The following TENM3 variants were observed in gnomAD, a reference collection of about 807,000 sequenced individuals.
TENM3 encodes the protein teneurin-3.
A neutral mutation model predicts 255.1 loss-of-function variants in TENM3; 63 were observed. The ratio of observed to expected loss-of-function variants is 0.25; its 90% CI spans 0.20 to 0.30. The LOEUF is 0.30. TENM3 is among the 10% of genes least tolerant of loss of function. The pLI, the probability that TENM3 is intolerant of heterozygous loss-of-function variation, is 1.00. For missense variants in TENM3, 2,929 were observed against 3,461.1 expected, an observed-to-expected ratio of 0.85 and a Z score of 3.86; for synonymous variants, 1,306 against 1,322.3, an observed-to-expected ratio of 0.99 and a Z score of 0.27.
At chr4:182,364,688 G>A (rs1766295619) in intron 3 of TENM3, among the ~76,000 whole-genome samples, 1 of 152,166 alleles carries the variant, frequency 6.6e-6, no homozygotes, top group African/African-American at 2.4e-5. Flanking sequence ...CATAGTGCTG[G>A]GGTTACAGGC....
chr4:182,544,852 A>G (rs182614663), intron 3 of TENM3, among the ~76,000 whole-genome samples: 195 of 152,322 alleles, frequency 1.3e-3, no homozygotes, highest in African/African-American at 4.5e-3. Context: ...TACTTAACAC[A>G]TAACTAGTCT....
the TENM3 span, among the ~76,000 whole-genome samples, chr4:181,776,155 A>G: frequency 6.6e-6 from 1 of 152,094 alleles, no homozygotes; most frequent in Non-Finnish European, 1.5e-5. Context: ...GGTCCTTCAT[A>G]TCAGTGAGAA....
chr4:182,361,463 A>C (rs1765972528), intron 3 of TENM3, among the ~76,000 whole-genome samples: 1 of 151,740 alleles, frequency 6.6e-6, no homozygotes, highest in Admixed American at 6.6e-5. Context: ...GCTTCATTTC[A>C]TTCATTTCAT....
the TENM3 span, among the ~76,000 whole-genome samples, chr4:181,537,688 A>G: frequency 0.044 from 6,707 of 152,324 alleles, 225 homozygotes; most frequent in South Asian, 0.15. Flanking sequence ...TTAAGAAACA[A>G]AGAACCAGAT....
intron 3 of TENM3, among the ~76,000 whole-genome samples, chr4:182,489,808 C>G (rs958817659): frequency 1.6e-4 from 24 of 150,684 alleles, no homozygotes; most frequent in African/African-American, 4.9e-4. Context: ...TCCTCTCGCC[C>G]TGTTCCTTCC....
intron 2 of TENM3, among the ~76,000 whole-genome samples, chr4:182,337,919 A>T (rs1386085849): frequency 6.6e-6 from 1 of 152,198 alleles, no homozygotes; most frequent in African/African-American, 2.4e-5. Context: ...GTTCAAGAAC[A>T]TACAAAACTA....
At chr4:181,950,382 G>A in the TENM3 span, among the ~76,000 whole-genome samples, 3 of 152,112 alleles carry the variant, frequency 2.0e-5, no homozygotes, top group African/African-American at 7.2e-5. Flanking sequence ...CTCACACAAA[G>A]CCTGTTTGGT....
chr4:182,496,063 C>A (rs986939637), intron 3 of TENM3, among the ~76,000 whole-genome samples: 1 of 152,108 alleles, frequency 6.6e-6, no homozygotes. Context: ...GGTATAGTAG[C>A]CCTTTGAAAA....
the TENM3 span, among the ~76,000 whole-genome samples, chr4:181,872,720 A>G: frequency 1.2e-3 from 181 of 152,052 alleles, no homozygotes; most frequent in Non-Finnish European, 1.8e-3. Flanking sequence ...GGGGCCCATT[A>G]ATTTTATTAG....
At chr4:181,648,948 G>A in the TENM3 span, among the ~76,000 whole-genome samples, 1 of 152,190 alleles carries the variant, frequency 6.6e-6, no homozygotes, top group South Asian at 2.1e-4. Flanking sequence ...AAACTCTACT[G>A]CCATTCCTTA....
chr4:181,592,334 C>T, the TENM3 span, among the ~76,000 whole-genome samples: 1 of 137,306 alleles, frequency 7.3e-6, no homozygotes. Flanking sequence ...CCATATGGCT[C>T]TTTTTTTTTT....
intron 1 of TENM3, among the ~76,000 whole-genome samples, chr4:182,323,107 C>G: frequency 6.6e-6 from 1 of 152,044 alleles, no homozygotes; most frequent in South Asian, 2.1e-4. Context: ...AGTCTTTTGC[C>G]GGCAGACCCT....
chr4:182,741,345 A>G (rs1761590277), intron 18 of TENM3, among the ~76,000 whole-genome samples: 1 of 152,248 alleles, frequency 6.6e-6, no homozygotes, highest in Non-Finnish European at 1.5e-5. Context: ...TGTAGTCATG[A>G]CAAGGTGGAT....
At chr4:182,525,834 T>C (rs911637274) in intron 3 of TENM3, among the ~76,000 whole-genome samples, 5 of 152,204 alleles carry the variant, frequency 3.3e-5, no homozygotes, top group African/African-American at 1.2e-4. Flanking sequence ...GACATTCTGA[T>C]AAGTAATATG....
chr4:181,513,772 C>T, the TENM3 span, among the ~76,000 whole-genome samples: 1 of 152,134 alleles, frequency 6.6e-6, no homozygotes, highest in Non-Finnish European at 1.5e-5. Flanking sequence ...CTAATCCTGT[C>T]GCTTGTTTTC....
intron 1 of TENM3, among the ~76,000 whole-genome samples, chr4:182,216,368 G>C (rs1263160021): frequency 1.3e-5 from 2 of 152,202 alleles, no homozygotes; most frequent in African/African-American, 4.8e-5. Flanking sequence ...GGCTCGTTCA[G>C]TTTCCACATG....
the TENM3 span, among the ~76,000 whole-genome samples, chr4:181,917,062 C>T: frequency 6.6e-6 from 1 of 152,146 alleles, no homozygotes; most frequent in Non-Finnish European, 1.5e-5. Flanking sequence ...TTCCTTTTAT[C>T]CTATGCATTC....
chr4:182,017,012 C>T, the TENM3 span, among the ~76,000 whole-genome samples: 89 of 152,248 alleles, frequency 5.8e-4, no homozygotes, highest in African/African-American at 2.1e-3. Context: ...CCAAATACAC[C>T]CTCACTGTTT....
intron 3 of TENM3, among the ~76,000 whole-genome samples, chr4:182,349,677 T>C (rs999899461): frequency 6.6e-6 from 1 of 152,202 alleles, no homozygotes; most frequent in Non-Finnish European, 1.5e-5. Context: ...ATATTACTAC[T>C]TTTAGTCAAG....
Sources: allele counts gnomAD v4.1 joint callset (sites outside exome capture counted in the v4.1 genomes callset), GRCh38; gene constraint gnomAD v4.1.1; transcripts MANE v1.5; gene names NCBI Gene and HGNC (gene_info 2026-07-23, HGNC 2026-07-21).